Variants in MAP3K15 observed in about 807,000 individuals in gnomAD.
The protein encoded by MAP3K15 is mitogen-activated protein kinase kinase kinase 15.
MAP3K15 carries 124 observed loss-of-function variants against 99.5 expected under a neutral mutation model. The ratio of observed to expected loss-of-function variants is 1.25; its 90% CI spans 1.08 to 1.45. MAP3K15 has a LOEUF of 1.45. Ranked by LOEUF, MAP3K15 falls within the 40% of genes most tolerant of loss-of-function variation. The pLI, the probability that MAP3K15 is intolerant of heterozygous loss-of-function variation, is 0.00. For synonymous variants in MAP3K15, 494 were observed against 439.6 expected, an observed-to-expected ratio of 1.12 and a Z score of -1.55; for missense variants, 1,242 against 1,079.7, an observed-to-expected ratio of 1.15 and a Z score of -2.11.
intron 9 of MAP3K15, among the ~76,000 whole-genome samples, chrX:19,415,813 C>A (rs2063730050): frequency 8.9e-6 from 1 of 111,791 alleles, no homozygotes; most frequent in Non-Finnish European, 1.9e-5. Flanking sequence ...AACATATATA[C>A]AAATCTCTTA....
chrX:19,513,118 C>A (rs938052953), intron 1 of MAP3K15, among the ~76,000 whole-genome samples: 6 of 111,688 alleles, frequency 5.4e-5, no homozygotes, highest in Admixed American at 1.9e-4. Context: ...CGTGGTACAG[C>A]CCAACATTCT....
chrX:19,395,029 C>T, intron 16 of MAP3K15, 52 bp downstream of exon 16: 1 of 1,172,806 alleles, frequency 8.5e-7, no homozygotes, highest in South Asian at 1.8e-5. Flanking sequence ...CAAATGACAT[C>T]CACGTCGTAG....
chrX:19,431,429 A>T lies in MAP3K15; in HGVS notation c.1166+9T>A. 1 of 1,198,002 alleles carries T rather than the reference A, an allele frequency of 8.3e-7. No homozygotes were observed. The highest frequency in any genetic ancestry group is 1.1e-6 in the Non-Finnish European group (1 of 893,612). On this transcript the variant is annotated intron_variant, in intron 7 of 28. Coordinates refer to ENST00000338883, the MANE Select transcript of MAP3K15 (RefSeq NM_001001671.4). ...ATGCAAGTGCTCATAACTCGGGCTG[A>T]GGGTTTACCACTCAATGGCGCTGTC... is the stretch of plus-strand genomic sequence containing the variant.
chrX:19,413,374 C>A lies in MAP3K15; in HGVS notation c.1681G>T (p.Val561Phe), dbSNP rs375345216. The A allele has an allele frequency of 2.5e-6, 3 of 1,200,642 alleles. No individual in the cohort carries two copies. Among genetic ancestry groups the A allele is most frequent in the Non-Finnish European group, 2.3e-6 (2 of 887,662 alleles). Residue 561 changes from valine (V) to phenylalanine (F), a missense_variant, in exon 11 of 29, where the codon GTC becomes TTC. Val to Phe is a conservative substitution (Grantham distance 50). Coordinates refer to ENST00000338883, the MANE Select transcript of MAP3K15 (RefSeq NM_001001671.4). The stretch of plus-strand genomic sequence containing the variant: ...CTCCTTACCATTTCTGTGGGTGAGA[C>A]ATGCCATAAAGAAACTGTTCTCTCC... ...AEERTVSLWH[V>F]SPTEMKQMHE...
intron 15 of MAP3K15, 104 bp downstream of exon 15, chrX:19,398,119 GGTA>G: frequency 2.2e-6 from 2 of 898,325 alleles, no homozygotes; most frequent in Non-Finnish European, 3.1e-6. Flanking sequence ...CAGGTTTTGT[GGTA>G]ACACAATGCT....
chrX:19,374,940 A>G (rs1319391868), intron 19 of MAP3K15, among the ~76,000 whole-genome samples: 1 of 110,750 alleles, frequency 9.0e-6, no homozygotes, highest in Admixed American at 9.6e-5. Flanking sequence ...TCCGCTAGTC[A>G]CCCTTAAAGC....
intron 14 of MAP3K15, 52 bp downstream of exon 14, chrX:19,400,524 G>T: frequency 1.1e-6 from 1 of 908,702 alleles, no homozygotes; most frequent in South Asian, 2.2e-5. Flanking sequence ...TTTTCTTGAA[G>T]CATCGAACAC....
chrX:19,465,854 T>TGC (rs1376264484), intron 3 of MAP3K15, among the ~76,000 whole-genome samples: 1 of 109,287 alleles, frequency 9.2e-6, no homozygotes, highest in Non-Finnish European at 1.9e-5. Context: ...TGTGTGTGTG[T>TGC]GTGTGTGTGT....
chrX:19,495,895 G>T (rs1440044437), intron 1 of MAP3K15, among the ~76,000 whole-genome samples: 2 of 110,668 alleles, frequency 1.8e-5, no homozygotes, highest in African/African-American at 6.6e-5. Flanking sequence ...CTTTGAAACT[G>T]CAGTGAGCTA....
rs145319861 is a variant in MAP3K15 at position 19,506,859 on chromosome X, A to G, written c.361+8042T>C. ...GTTTTCCTATCGATGTTCAGGAAATATGAAAACATCCTAGTATGGGTTGCA... is the reference window on the plus strand; with the variant it reads ...GTTTTCCTATCGATGTTCAGGAAATGTGAAAACATCCTAGTATGGGTTGCA... On this transcript the variant is annotated intron_variant, in intron 1 of 28. Coordinates refer to ENST00000338883, the MANE Select transcript of MAP3K15 (RefSeq NM_001001671.4). Among the ~76,000 whole-genome samples the G allele has an allele frequency of 2.5e-3, 276 of 112,528 alleles. 1 individual carries two copies. The highest frequency in any genetic ancestry group is 8.4e-3 in the African/African-American group (260 of 31,033).
chrX:19,389,261 G>A (rs139887876), intron 18 of MAP3K15, among the ~76,000 whole-genome samples: 1,868 of 104,559 alleles, frequency 0.018, 18 homozygotes, highest in Non-Finnish European at 0.03. Flanking sequence ...CTTCTAATGG[G>A]TGCTTTGATG....
At chrX:19,426,020 G>T (rs1404127207) in intron 8 of MAP3K15, among the ~76,000 whole-genome samples, 7 of 111,293 alleles carry the variant, frequency 6.3e-5, no homozygotes, top group Non-Finnish European at 9.4e-5. Flanking sequence ...TACTCAGGAG[G>T]CTGAGGCAGG....
intron 13 of MAP3K15, among the ~76,000 whole-genome samples, chrX:19,405,701 T>G (rs1439707386): frequency 1.8e-5 from 2 of 112,341 alleles, no homozygotes; most frequent in Non-Finnish European, 3.8e-5. Flanking sequence ...GTATCCTTGT[T>G]TTTACGAAAT....
At chrX:19,380,603 G>A (rs1002468291) in intron 18 of MAP3K15, among the ~76,000 whole-genome samples, 23 of 110,830 alleles carry the variant, frequency 2.1e-4, no homozygotes, top group Non-Finnish European at 4.2e-4. Context: ...TCGGCTCACC[G>A]CGAACTCCGC....
At chrX:19,475,941 G>A (rs2064239578) in intron 3 of MAP3K15, among the ~76,000 whole-genome samples, 1 of 112,000 alleles carries the variant, frequency 8.9e-6, no homozygotes, top group Non-Finnish European at 1.9e-5. Context: ...GGTCCAAGAA[G>A]GCCAAGAAAG....
chrX:19,456,696 G>A (rs911003635), intron 6 of MAP3K15, among the ~76,000 whole-genome samples: 3 of 111,745 alleles, frequency 2.7e-5, no homozygotes, highest in African/African-American at 9.8e-5. Flanking sequence ...TTTTGATGCC[G>A]TCATAAGCTA....
chrX:19,431,430 G>A lies in MAP3K15; in HGVS notation c.1166+8C>T. 1.7e-6 allele frequency: 2 copies of A among 1,198,471 alleles called. No individual in the cohort carries two copies. Among genetic ancestry groups the A allele is most frequent in the Non-Finnish European group, 2.2e-6 (2 of 893,850 alleles). ...TGCAAGTGCTCATAACTCGGGCTGA[G>A]GGTTTACCACTCAATGGCGCTGTCG... On this transcript the variant is annotated splice_region_variant and intron_variant, in intron 7 of 28. Transcript: ENST00000338883.
Position 19,369,173 on chromosome X carries a change from A to G in MAP3K15, c.3447T>C (p.Asp1149=). The G allele has an allele frequency of 8.3e-7, 1 of 1,210,763 alleles. No individual in the cohort carries two copies. The highest frequency in any genetic ancestry group is 1.1e-6 in the Non-Finnish European group (1 of 895,181). The part of the protein sequence containing the change: ...FEPTCETEGV[D]KDMDEAEEGY... Reference sequence around the variant, plus strand: ...CCTCTTCCGCTTCATCCATGTCCTTATCTACCCCTTCAGTCTCACAGGTAG... The same window carrying G: ...CCTCTTCCGCTTCATCCATGTCCTTGTCTACCCCTTCAGTCTCACAGGTAG... The change falls in exon 25 of 29, where the codon GAT becomes GAC. Residue 1149 remains aspartate (D), a synonymous_variant. Coordinates refer to ENST00000338883, the MANE Select transcript of MAP3K15 (RefSeq NM_001001671.4).
At chrX:19,410,108 C>G (rs1178153709) in intron 11 of MAP3K15, 135 bp from the exon 12 acceptor site, 2 of 441,827 alleles carry the variant, frequency 4.5e-6, no homozygotes, top group African/African-American at 4.9e-5. Context: ...CAGCAATACA[C>G]CTTGTATAAC....
Sources: allele counts gnomAD v4.1 joint callset (sites outside exome capture counted in the v4.1 genomes callset), GRCh38; gene constraint gnomAD v4.1.1; transcripts MANE v1.5; gene names NCBI Gene and HGNC (gene_info 2026-07-23, HGNC 2026-07-21).